Variants in BNC2 observed in about 807,000 individuals in gnomAD.
The protein encoded by BNC2 is zinc finger protein basonuclin-2.
Under a neutral mutation model 76.3 loss-of-function variants are expected in BNC2, and 20 were observed. The ratio of observed to expected loss-of-function variants is 0.26; its 90% CI spans 0.18 to 0.38. The LOEUF (loss-of-function observed/expected upper bound fraction) is 0.38. Ranked by LOEUF, BNC2 falls within the 10% of genes least tolerant of loss-of-function variation. BNC2 has a pLI of 1.00. For synonymous variants in BNC2, 582 were observed against 514.8 expected (o/e 1.13, Z -1.77); for missense variants, 1,382 against 1,399.8 (o/e 0.99, Z 0.20).
chr9:16,529,544 A>G (rs1358726299), intron 5 of BNC2, among the ~76,000 whole-genome samples: 4 of 152,198 alleles, frequency 2.6e-5, no homozygotes, highest in Admixed American at 6.5e-5. Context: ...AAGCTTTGAT[A>G]TATTTTGACA....
chr9:16,729,581 G>C (rs946750982), intron 2 of BNC2, among the ~76,000 whole-genome samples: 1 of 152,056 alleles, frequency 6.6e-6, no homozygotes, highest in African/African-American at 2.4e-5. Context: ...GCACAAAAAA[G>C]TCTCAAAAGA....
chr9:16,784,146 T>A (rs1462528067), intron 1 of BNC2, among the ~76,000 whole-genome samples: 2 of 152,214 alleles, frequency 1.3e-5, no homozygotes, highest in Non-Finnish European at 2.9e-5. Flanking sequence ...AAAAAGACTT[T>A]CCTGCCACAC....
At chr9:16,505,457 T>C (rs1041246732) in intron 5 of BNC2, among the ~76,000 whole-genome samples, 3 of 152,166 alleles carry the variant, frequency 2.0e-5, no homozygotes, top group Non-Finnish European at 4.4e-5. Flanking sequence ...ACTTTGATAA[T>C]GAAGCTGTCT....
chr9:16,722,001 C>A (rs1438118214), intron 3 of BNC2, among the ~76,000 whole-genome samples: 1 of 152,118 alleles, frequency 6.6e-6, no homozygotes, highest in Non-Finnish European at 1.5e-5. Context: ...CAAGGAAAAT[C>A]CTCTCAAAAG....
At chr9:16,800,268 G>T (rs2135743595) in intron 1 of BNC2, among the ~76,000 whole-genome samples, 1 of 151,922 alleles carries the variant, frequency 6.6e-6, no homozygotes, top group East Asian at 1.9e-4. Context: ...GGGTGGCATG[G>T]GATGGCAGGT....
intron 1 of BNC2, among the ~76,000 whole-genome samples, chr9:16,812,667 C>T (rs781226808): frequency 6.6e-6 from 1 of 152,130 alleles, no homozygotes; most frequent in African/African-American, 2.4e-5. Flanking sequence ...ATAGATATTT[C>T]TCATGCCTGG....
intron 1 of BNC2, among the ~76,000 whole-genome samples, chr9:16,822,092 C>CAAA (rs531393812): frequency 0.013 from 421 of 32,490 alleles, 14 homozygotes; most frequent in African/African-American, 0.043. Context: ...GACTCCATCT[C>CAAA]AAAAAAAAAA....
At chr9:16,659,351 C>T (rs116402334) in intron 3 of BNC2, among the ~76,000 whole-genome samples, 3,507 of 152,102 alleles carry the variant, frequency 0.023, 133 homozygotes, top group African/African-American at 0.08. Flanking sequence ...GTGGCTCACG[C>T]GTAATCACAG....
intron 1 of BNC2, among the ~76,000 whole-genome samples, chr9:16,802,575 T>C (rs965511493): frequency 5.3e-5 from 8 of 152,238 alleles, no homozygotes; most frequent in Non-Finnish European, 7.3e-5. Context: ...CTTATGTTTA[T>C]ACAAGAGAGA....
intron 3 of BNC2, among the ~76,000 whole-genome samples, chr9:16,614,897 A>G (rs1214534512): frequency 7.0e-6 from 1 of 142,086 alleles, no homozygotes; most frequent in Non-Finnish European, 1.5e-5. Context: ...TCAAGGCTGC[A>G]GTTAGCTGTC....
intron 1 of BNC2, 76 bp downstream of exon 1, chr9:16,870,570 C>G (rs1230674755): frequency 6.4e-7 from 1 of 1,568,938 alleles, no homozygotes. Flanking sequence ...CCGGGCGGCC[C>G]CGGTGGCGCT....
intron 3 of BNC2, chr9:16,726,837 G>C (rs1196471546): frequency 6.6e-6 from 1 of 152,226 alleles, no homozygotes; most frequent in East Asian, 1.9e-4. Context: ...AATCCAAGAT[G>C]AAAGTTTCTG....
rs1397190615 is a variant in BNC2 at position 16,432,494 on chromosome 9, T to C, written c.2639+3061A>G. Among the ~76,000 whole-genome samples, 3 of 152,232 alleles carry C rather than the reference T, an allele frequency of 2.0e-5. No individual in the cohort carries two copies. In the East Asian group the frequency reaches 5.8e-4, roughly 29 times the overall value. ...GCAACTACCTCATGTATAACCACTT[T>C]GGGAGAAGCCCAGGCAGACCTGTGT... On this transcript the variant is annotated intron_variant, in intron 6 of 6. Coordinates refer to ENST00000380672, the MANE Select transcript of BNC2 (RefSeq NM_017637.6).
intron 5 of BNC2, among the ~76,000 whole-genome samples, chr9:16,508,581 A>G (rs971532859): frequency 2.0e-5 from 3 of 152,156 alleles, no homozygotes; most frequent in African/African-American, 7.2e-5. Flanking sequence ...TGAATTTATT[A>G]TGGCCAGAAT....
At chr9:16,686,798 G>A (rs944761779) in intron 3 of BNC2, among the ~76,000 whole-genome samples, 2 of 152,102 alleles carry the variant, frequency 1.3e-5, no homozygotes, top group Non-Finnish European at 2.9e-5. Flanking sequence ...AATATCACTG[G>A]AAAGAAAAGA....
intron 5 of BNC2, among the ~76,000 whole-genome samples, chr9:16,500,116 C>G (rs28464772): frequency 0.017 from 2,563 of 152,152 alleles, 61 homozygotes; most frequent in African/African-American, 0.058. Flanking sequence ...AAACATGTCT[C>G]TAGCCACATG....
At chr9:16,609,157 C>T (rs1390386629) in intron 3 of BNC2, among the ~76,000 whole-genome samples, 1 of 152,112 alleles carries the variant, frequency 6.6e-6, no homozygotes, top group Admixed American at 6.6e-5. Context: ...CCTTTCGGAG[C>T]CACTTTTCAA....
At chr9:16,498,262 TATATATATTCCATC>T (rs1563811342) in intron 5 of BNC2, among the ~76,000 whole-genome samples, 42 of 131,998 alleles carry the variant, frequency 3.2e-4, no homozygotes, top group African/African-American at 1.2e-3. Context: ...TATTCCATCA[TATATATATTCCATC>T]ATATATATAT....
Position 16,418,729 on chromosome 9 carries a change from C to CT in BNC2, c.*259dup, listed in dbSNP as rs1820642891. On this transcript the variant is annotated 3_prime_UTR_variant, in exon 7 of 7. Transcript: ENST00000380672. The stretch of plus-strand genomic sequence containing the variant: ...GTGTGTGTGTGTTTAAAGGGGTACT[C>CT]TGTTTTCACCCTGAAATCAAAGATC... 1 of 471,058 alleles carries CT rather than the reference C, an allele frequency of 2.1e-6. No individual in the cohort carries two copies. The highest frequency in any genetic ancestry group is 3.8e-6 in the Non-Finnish European group (1 of 260,150). 29.2% of individuals were successfully genotyped at this position (471,058 alleles called of 1,614,324 possible).
Sources: gnomAD v4.1 joint callset for allele counts (sites outside exome capture counted in the v4.1 genomes callset) on GRCh38, gnomAD v4.1.1 for gene constraint, MANE v1.5 for transcripts, NCBI Gene and HGNC (gene_info 2026-07-23, HGNC 2026-07-21) for gene names.